The following TRPM5 variants were observed in gnomAD, a reference collection of about 807,000 sequenced individuals.
The protein encoded by TRPM5 is transient receptor potential cation channel subfamily M member 5.
A neutral mutation model predicts 124.9 loss-of-function variants in TRPM5; 121 were observed. The observed-to-expected ratio is 0.97, with a 90% CI of 0.84 to 1.13. The LOEUF is 1.13. Among genes scored for constraint, TRPM5 ranks in the 50% most tolerant of loss-of-function variants. The probability of loss-of-function intolerance (pLI) is 0.00; values close to 1 mark genes in which losing one functional copy is unlikely to be tolerated. For synonymous variants in TRPM5, 781 were observed against 700.5 expected, an observed-to-expected ratio of 1.11 and a Z score of -1.81; for missense variants, 1,643 against 1,589.1, an observed-to-expected ratio of 1.03 and a Z score of -0.58.
chr11:2,435,990 C>T, the TRPM5 span, among the ~76,000 whole-genome samples: 1 of 152,230 alleles, frequency 6.6e-6, no homozygotes, highest in Non-Finnish European at 1.5e-5. The surrounding 1 kb of genome is among the most constrained non-coding windows in gnomAD (Gnocchi z 4.1). Flanking sequence ...AGGCAGTTCT[C>T]GTGGTTTCTC....
chr11:2,408,487 G>A (rs1850370216), intron 18 of TRPM5, among the ~76,000 whole-genome samples: 1 of 152,244 alleles, frequency 6.6e-6, no homozygotes, highest in Non-Finnish European at 1.5e-5. Flanking sequence ...CTTGCTGCAA[G>A]CTCTGAGGGC....
chr11:2,412,070 TG>T lies in TRPM5; in HGVS notation c.2474+64del, dbSNP rs1850464398. On this transcript the variant is annotated intron_variant, in intron 16 of 23. Transcript: ENST00000155858. ...GTGCCACCGCCACACCCAACCTGAG[TG>T]GCTTCATCTGGAAGCCTGCCCACAA... The T allele has an allele frequency of 5.8e-6, 8 of 1,377,828 alleles. No homozygotes were observed. In the Admixed American group the frequency reaches 1.0e-4, roughly 17 times the overall value. 85.4% of individuals were successfully genotyped at this position (1,377,828 alleles called of 1,614,324 possible). A position where few individuals can be genotyped will look rare whatever the true frequency, so the allele number is the denominator to read the frequency against.
At chr11:2,407,663 G>C in intron 19 of TRPM5, 96 bp downstream of exon 24, 1 of 1,479,428 alleles carries the variant, frequency 6.8e-7, no homozygotes, top group South Asian at 1.3e-5. Flanking sequence ...ACCCTCTGCA[G>C]CACACCAGGT....
At chr11:2,413,367 G>T (rs1850493826) in intron 13 of TRPM5, 109 bp downstream of exon 18, 2 of 1,306,910 alleles carry the variant, frequency 1.5e-6, no homozygotes, top group Admixed American at 5.2e-5. Flanking sequence ...GGACTTGGGG[G>T]CTACAGAGTC....
the TRPM5 span, among the ~76,000 whole-genome samples, chr11:2,443,620 A>G: frequency 2.0e-5 from 3 of 152,200 alleles, no homozygotes; most frequent in Non-Finnish European, 4.4e-5. The surrounding 1 kb of genome is among the most constrained non-coding windows in gnomAD (Gnocchi z 5.0). Flanking sequence ...GACTCCGTCC[A>G]CGATAAAAGA....
rs147525952 is a variant in TRPM5 at position 2,410,494 on chromosome 11, G to T, written c.2782+858C>A. On this transcript the variant is annotated intron_variant, in intron 18 of 23. Transcript: ENST00000155858. ...GGCACCCCTCGAGGGCCCCAGGGGCGGGCTGGCTGCTGGTCCACCTTCCCA... is the reference window on the plus strand; with the variant it reads ...GGCACCCCTCGAGGGCCCCAGGGGCTGGCTGGCTGCTGGTCCACCTTCCCA... 8.3e-3 allele frequency among the ~76,000 whole-genome samples: 1,261 copies of T among 152,116 alleles called. 8 individuals carry two copies. Among genetic ancestry groups the T allele is most frequent in the African/African-American group, 0.028 (1,178 of 41,488 alleles).
chr11:2,415,088 C>T (rs767509337), intron 9 of TRPM5, 33 bp downstream of exon 14: 1 of 1,585,970 alleles, frequency 6.3e-7, no homozygotes, highest in Non-Finnish European at 8.5e-7. Context: ...CGGCCCCAGC[C>T]TCGCCCTCCA....
Position 2,405,047 on chromosome 11 carries a change from C to G in TRPM5, c.3392-4G>C. 2 of 1,611,440 alleles carry G rather than the reference C, an allele frequency of 1.2e-6. No individual in the cohort carries two copies. The highest frequency in any genetic ancestry group is 2.2e-5 in the South Asian group (2 of 90,932). ...CCCTCGCCACAGTGCTGAGAGCCTGCTGGGAAGGAAGGCCCCCCTGAGCGG... is the reference window on the plus strand; with the variant it reads ...CCCTCGCCACAGTGCTGAGAGCCTGGTGGGAAGGAAGGCCCCCCTGAGCGG... On this transcript the variant is annotated splice_polypyrimidine_tract_variant and splice_region_variant and intron_variant, in intron 23 of 23. Transcript: ENST00000155858.
At chr11:2,431,960 G>GA in the TRPM5 span, among the ~76,000 whole-genome samples, 1 of 152,216 alleles carries the variant, frequency 6.6e-6, no homozygotes, top group Non-Finnish European at 1.5e-5. Context: ...TAAAGTCAAT[G>GA]AATGAATGAG....
At chr11:2,423,708 C>T (rs576618758), upstream of TRPM5, among the ~76,000 whole-genome samples, 27 of 152,330 alleles carry the variant, frequency 1.8e-4, 1 homozygote, top group South Asian at 1.0e-3. Flanking sequence ...TAGAAGAGGC[C>T]GCGTGCGCCT....
intron 22 of TRPM5, 60 bp downstream of exon 27, chr11:2,405,959 C>G: frequency 6.8e-7 from 1 of 1,461,236 alleles, no homozygotes; most frequent in Admixed American, 1.7e-5. Context: ...GGACCCATCC[C>G]AGTAGCCCCA....
At chr11:2,405,136 C>T (rs372641054) in intron 23 of TRPM5, 93 bp from the exon 29 acceptor site, 147 of 1,063,654 alleles carry the variant, frequency 1.4e-4, no homozygotes, top group Admixed American at 1.0e-3. Context: ...AGGGCCAGGA[C>T]GCCGTGGCTC....
At chr11:2,421,283 C>G in intron 2 of TRPM5, 85 bp from the exon 8 acceptor site, 1 of 1,431,772 alleles carries the variant, frequency 7.0e-7, no homozygotes, top group South Asian at 1.3e-5. Context: ...TAGGCCCAAT[C>G]AGCAGCCAGT....
chr11:2,431,191 C>G, the TRPM5 span, among the ~76,000 whole-genome samples: 11 of 152,140 alleles, frequency 7.2e-5, no homozygotes, highest in African/African-American at 2.7e-4. Context: ...GTGTTGAGCT[C>G]AGAAACCCAG....
chr11:2,421,098 A>G, exon 3 of TRPM5: 2 of 1,549,412 alleles, frequency 1.3e-6, no homozygotes, highest in Non-Finnish European at 1.7e-6. Flanking sequence ...CAGCAACCAC[A>G]CGGACCTTGG....
chr11:2,419,448 GA>G (rs57385993), intron 4 of TRPM5, among the ~76,000 whole-genome samples: 33,129 of 136,666 alleles, frequency 0.24, 4,004 homozygotes, highest in Middle Eastern at 0.4. Context: ...TCTCTACTGG[GA>G]AAAAAAAAAA....
chr11:2,414,007 T>TCAACCCCCCCCCCCCCC, intron 12 of TRPM5, 54 bp downstream of exon 17: 1 of 1,072,596 alleles, frequency 9.3e-7, no homozygotes, highest in South Asian at 1.3e-5. Context: ...TGGGCCCAGC[T>TCAACCCCCCCCCCCCCC]CGCCCGCCCA....
the TRPM5 span, among the ~76,000 whole-genome samples, chr11:2,441,610 C>T: frequency 6.6e-6 from 1 of 152,174 alleles, no homozygotes; most frequent in Non-Finnish European, 1.5e-5. This position sits in a 1 kb window ranked among gnomAD's most constrained non-coding sequence, Gnocchi z 7.2. Context: ...ACCCCATACC[C>T]CCAGAGCAGC....
intron 12 of TRPM5, among the ~76,000 whole-genome samples, 192 bp downstream of exon 17, chr11:2,413,869 G>A (rs1259008584): frequency 1.3e-5 from 2 of 152,210 alleles, no homozygotes; most frequent in Non-Finnish European, 2.9e-5. Context: ...TGAGGCCAGA[G>A]GCAGGAGGAG....
Sources: gnomAD v4.1 joint callset for allele counts (sites outside exome capture counted in the v4.1 genomes callset) on GRCh38, gnomAD v4.1.1 for gene constraint, Gnocchi (gnomAD v3.1) non-coding constraint, MANE v1.5 for transcripts, NCBI Gene and HGNC (gene_info 2026-07-23, HGNC 2026-07-21) for gene names.